Variants in PDE5A observed in about 807,000 individuals in gnomAD.
PDE5A encodes the protein phosphodiesterase 5A.
In PDE5A, 67 loss-of-function variants were observed where a neutral mutation model predicts 110.2. The ratio of observed to expected loss-of-function variants is 0.61; its 90% confidence interval spans 0.50 to 0.75. PDE5A has a LOEUF of 0.75. Ranked by LOEUF, PDE5A falls within the 30% of genes least tolerant of loss-of-function variation. The pLI, the probability that PDE5A is intolerant of heterozygous loss-of-function variation, is 0.00. For missense variants in PDE5A, 862 were observed against 1,045.1 expected (o/e 0.82, Z 2.42); for synonymous variants, 328 against 351.2 (o/e 0.93, Z 0.74).
At chr4:119,509,449 C>A (rs529196397) in intron 15 of PDE5A, among the ~76,000 whole-genome samples, 1 of 152,052 alleles carries the variant, frequency 6.6e-6, no homozygotes, top group East Asian at 1.9e-4. Flanking sequence ...CAGTCCAAAG[C>A]GAGGGAGAGA....
At chr4:119,572,794 A>T (rs1728188172) in intron 3 of PDE5A, among the ~76,000 whole-genome samples, 1 of 152,180 alleles carries the variant, frequency 6.6e-6, no homozygotes, top group Non-Finnish European at 1.5e-5. Context: ...CAAAAGACGC[A>T]TTGACAACTA....
chr4:119,621,649 G>C (rs1440046243), intron 1 of PDE5A, among the ~76,000 whole-genome samples: 4 of 7,358 alleles, frequency 5.4e-4, no homozygotes, highest in Non-Finnish European at 1.8e-3. Flanking sequence ...TAGATAGATA[G>C]ACAGACAGAT....
chr4:119,621,633 G>C (rs1449630359), intron 1 of PDE5A, among the ~76,000 whole-genome samples: 1 of 81,782 alleles, frequency 1.2e-5, no homozygotes, highest in Admixed American at 1.6e-4. Context: ...GAGATAGGTA[G>C]ATACATAGAT....
chr4:119,593,075 C>T (rs1284383730), intron 3 of PDE5A, among the ~76,000 whole-genome samples: 3 of 152,174 alleles, frequency 2.0e-5, no homozygotes, highest in African/African-American at 7.2e-5. Flanking sequence ...GACTGATACA[C>T]TATGTGTTGC....
chr4:119,597,195 CT>C (rs1407875126), intron 2 of PDE5A, among the ~76,000 whole-genome samples: 1 of 151,954 alleles, frequency 6.6e-6, no homozygotes, highest in East Asian at 1.9e-4. Flanking sequence ...TAAAGGACTT[CT>C]GAGGTGTTAA....
At chr4:119,613,118 T>C (rs948856411) in intron 1 of PDE5A, among the ~76,000 whole-genome samples, 9 of 152,250 alleles carry the variant, frequency 5.9e-5, no homozygotes, top group African/African-American at 2.2e-4. Flanking sequence ...ATTATCTTTA[T>C]GACCCTGCTG....
At chr4:119,540,392 T>C (rs1364534831) in intron 10 of PDE5A, among the ~76,000 whole-genome samples, 1 of 152,278 alleles carries the variant, frequency 6.6e-6, no homozygotes, top group African/African-American at 2.4e-5. Context: ...ATTTGAACCA[T>C]TAGTCACTAG....
In PDE5A at chr4:119,553,620, T is replaced by G. The variant is rs1213699949; in HGVS notation, c.1308+18A>C. 8.0e-7 allele frequency: 1 copy of G among 1,245,762 alleles called. No individual in the cohort carries two copies. Among genetic ancestry groups the G allele is most frequent in the African/African-American group, 1.5e-5 (1 of 67,880 alleles). 77.2% of individuals were successfully genotyped at this position (1,245,762 alleles called of 1,614,324 possible). A position where few individuals can be genotyped will look rare whatever the true frequency, so the allele number is the denominator to read the frequency against. ...GAAAACAGCCTTCTAGCTTCAAGTC[T>G]AAAATTGGGTTACTTACTGTCCAGG... On this transcript the variant is annotated intron_variant, in intron 8 of 20. Coordinates refer to ENST00000354960, the MANE Select transcript of PDE5A (RefSeq NM_001083.4).
chr4:119,582,012 C>T (rs1352074551), intron 3 of PDE5A, among the ~76,000 whole-genome samples: 2 of 152,252 alleles, frequency 1.3e-5, no homozygotes, highest in East Asian at 1.9e-4. Flanking sequence ...TGCTGACGGA[C>T]GGGGCTGTTG....
intron 3 of PDE5A, among the ~76,000 whole-genome samples, chr4:119,575,243 C>A: frequency 6.6e-6 from 1 of 152,182 alleles, no homozygotes; most frequent in Non-Finnish European, 1.5e-5. Flanking sequence ...GAGAATAGAA[C>A]CAAGTTGGAA....
chr4:119,602,351 G>C (rs920902764), intron 2 of PDE5A, among the ~76,000 whole-genome samples: 4 of 152,136 alleles, frequency 2.6e-5, no homozygotes, highest in African/African-American at 9.7e-5. Flanking sequence ...GAGAATCTGG[G>C]TAAAGGGTGT....
intron 9 of PDE5A, among the ~76,000 whole-genome samples, chr4:119,545,819 T>A (rs1186114922): frequency 6.6e-6 from 1 of 152,178 alleles, no homozygotes; most frequent in Non-Finnish European, 1.5e-5. Context: ...CTCTACCACA[T>A]AACATGGACT....
chr4:119,547,125 T>A (rs1050345822), intron 9 of PDE5A, among the ~76,000 whole-genome samples: 28 of 145,608 alleles, frequency 1.9e-4, no homozygotes, highest in African/African-American at 4.8e-4. Flanking sequence ...TTTTTTTTTT[T>A]AAATAACAAA....
At chr4:119,613,568 CAAAT>C (rs948798914) in intron 1 of PDE5A, among the ~76,000 whole-genome samples, 2 of 151,976 alleles carry the variant, frequency 1.3e-5, no homozygotes, top group Non-Finnish European at 2.9e-5. Context: ...TAAATGTACA[CAAAT>C]AAGTAACGGA....
rs1726976223 is a variant in PDE5A at position 119,542,655 on chromosome 4, G to A, written c.1397-21C>T. On this transcript the variant is annotated intron_variant, in intron 9 of 20. Transcript: ENST00000354960. ...AACCCCTATAACAATCCGAGAAATTGAGCAAATGTTATTGTTGATTATCAT... is the reference window on the plus strand; with the variant it reads ...AACCCCTATAACAATCCGAGAAATTAAGCAAATGTTATTGTTGATTATCAT... 3.1e-6 allele frequency: 5 copies of A among 1,602,048 alleles called. No individual in the cohort carries two copies. In the East Asian group the frequency reaches 9.0e-5, roughly 29 times the overall value.
chr4:119,552,813 A>G (rs1290148541), intron 8 of PDE5A, among the ~76,000 whole-genome samples, 176 bp from the exon 9 acceptor site: 4 of 152,126 alleles, frequency 2.6e-5, no homozygotes, highest in Non-Finnish European at 1.5e-5. Context: ...TAAATGCAAT[A>G]TAAAGCAATG....
At chr4:119,609,337 T>C (rs887445845) in intron 1 of PDE5A, among the ~76,000 whole-genome samples, 5 of 152,182 alleles carry the variant, frequency 3.3e-5, no homozygotes, top group African/African-American at 1.2e-4. Flanking sequence ...GAAGGCTGAC[T>C]AAATACATCA....
At chr4:119,609,670 C>T (rs1729675288) in intron 1 of PDE5A, among the ~76,000 whole-genome samples, 1 of 151,892 alleles carries the variant, frequency 6.6e-6, no homozygotes, top group Non-Finnish European at 1.5e-5. Context: ...ATAAAAGTCT[C>T]CAAAAAGTTT....
Position 119,606,734 on chromosome 4 carries a change from G to A in PDE5A, c.716C>T (p.Pro239Leu). Residue 239 changes from proline to leucine, a missense_variant, in exon 2 of 21, where the codon CCC (proline) becomes CTC (leucine). Pro to Leu is a moderately conservative substitution (Grantham distance 98, BLOSUM62 -3). Transcript: ENST00000354960. ...IVGHVAALGE[P>L]LNIKDAYEDP... ...CTCATATGCATCTTTGATGTTCAAGGGCTCACCAAGCGCTGCCACATGTCC... is the reference window on the plus strand; with the variant it reads ...CTCATATGCATCTTTGATGTTCAAGAGCTCACCAAGCGCTGCCACATGTCC... The A allele has an allele frequency of 6.2e-7, 1 of 1,613,868 alleles. No homozygotes were observed.
Sources: gnomAD v4.1 joint callset for allele counts (sites outside exome capture counted in the v4.1 genomes callset) on GRCh38, gnomAD v4.1.1 for gene constraint, MANE v1.5 for transcripts, NCBI Gene and HGNC (gene_info 2026-07-23, HGNC 2026-07-21) for gene names.